NRXN3: variants seen among roughly 807,000 people sequenced by gnomAD.
The protein encoded by NRXN3 is neurexin III.
A neutral mutation model predicts 137.6 loss-of-function variants in NRXN3; 32 were observed. The observed-to-expected ratio is 0.23, with a 90% confidence interval of 0.18 to 0.31. The LOEUF (loss-of-function observed/expected upper bound fraction) is 0.31, where lower values mean the gene tolerates loss of function less well. Ranked by LOEUF, NRXN3 falls within the 10% of genes least tolerant of loss-of-function variation. The probability of loss-of-function intolerance (pLI) is 1.00; values close to 1 mark genes in which losing one functional copy is unlikely to be tolerated. For synonymous variants in NRXN3, 798 were observed against 784.5 expected (o/e 1.02, Z -0.29); for missense variants, 1,574 against 2,062.5 (o/e 0.76, Z 4.59).
chr14:78,408,766 T>C (rs1195416955), intron 4 of NRXN3, among the ~76,000 whole-genome samples: 1 of 152,238 alleles, frequency 6.6e-6, no homozygotes, highest in Non-Finnish European at 1.5e-5. Flanking sequence ...GAATTCCTGG[T>C]ACACTTCCCC....
intron 4 of NRXN3, among the ~76,000 whole-genome samples, chr14:78,464,594 T>C (rs550606783): frequency 6.6e-6 from 1 of 152,300 alleles, no homozygotes; most frequent in South Asian, 2.1e-4. Flanking sequence ...GCTTTTAAAA[T>C]TATACAAGAA....
chr14:78,266,307 T>C (rs904235070), intron 2 of NRXN3, among the ~76,000 whole-genome samples: 18 of 152,270 alleles, frequency 1.2e-4, no homozygotes, highest in African/African-American at 4.1e-4. Context: ...TTTCTTTCTT[T>C]CTTTTTTTTT....
intron 16 of NRXN3, among the ~76,000 whole-genome samples, chr14:79,630,744 CTT>C (rs2098336399): frequency 6.6e-6 from 1 of 152,110 alleles, no homozygotes; most frequent in Admixed American, 6.5e-5. Context: ...GAAAATAGTC[CTT>C]CTATAAATAA....
At chr14:79,034,245 C>A (rs2099612462) in intron 15 of NRXN3, among the ~76,000 whole-genome samples, 1 of 151,822 alleles carries the variant, frequency 6.6e-6, no homozygotes, top group East Asian at 1.9e-4. Flanking sequence ...GAGGCCACTT[C>A]AAAAATAGAA....
chr14:79,491,361 A>C (rs1230110759), intron 16 of NRXN3, among the ~76,000 whole-genome samples: 2 of 152,172 alleles, frequency 1.3e-5, no homozygotes, highest in African/African-American at 2.4e-5. Context: ...CCTACGTCAT[A>C]CTAGCCACTA....
rs4903757 is a variant in NRXN3, at chr14:78,431,408, A to T, written c.757+133548A>T. 2.0e-5 allele frequency among the ~76,000 whole-genome samples: 3 copies of T among 152,350 alleles called. No individual in the cohort carries two copies. The East Asian group carries it at 5.8e-4, about 29-fold the overall frequency. ...ATGCAATGTGATGTTCCCTAAGGGT[A>T]TGGCAATAGGAGTATAGGAATGAGT... On this transcript the variant is annotated intron_variant, in intron 4 of 20. Transcript: ENST00000335750.
intron 19 of NRXN3, among the ~76,000 whole-genome samples, chr14:79,702,975 A>C (rs1283480219): frequency 2.6e-5 from 4 of 151,776 alleles, no homozygotes; most frequent in Admixed American, 1.3e-4. Flanking sequence ...ATTTGGAATC[A>C]TTTATAAACT....
intron 15 of NRXN3, among the ~76,000 whole-genome samples, chr14:79,271,393 C>T (rs1183569183): frequency 1.5e-5 from 2 of 135,338 alleles, no homozygotes; most frequent in African/African-American, 5.4e-5. Flanking sequence ...CTTCCTCCTT[C>T]TTCCTTCCCC....
rs556801843 is a variant in NRXN3 at position 78,685,746 on chromosome 14, CCT to C, written c.1222-23470_1222-23469del. Reference sequence around the variant, plus strand: ...CTCCTGGGTTCAAGCGATTCTCCTGCCTTAGCCTCTTGAGTAGCTGGGATTAC... The same window carrying C: ...CTCCTGGGTTCAAGCGATTCTCCTGCTAGCCTCTTGAGTAGCTGGGATTAC... On this transcript the variant is annotated intron_variant, in intron 6 of 20. Coordinates refer to ENST00000335750, the MANE Select transcript of NRXN3 (RefSeq NM_001330195.2). 1.1e-4 allele frequency among the ~76,000 whole-genome samples: 17 copies of C among 151,128 alleles called. No homozygotes were observed. In the South Asian group the frequency reaches 2.9e-3, roughly 26 times the overall value.
intron 16 of NRXN3, among the ~76,000 whole-genome samples, chr14:79,488,185 G>A (rs2096675384): frequency 6.6e-6 from 1 of 152,186 alleles, no homozygotes; most frequent in Non-Finnish European, 1.5e-5. Flanking sequence ...GGTCACCCAT[G>A]GACATTGATT....
intron 15 of NRXN3, among the ~76,000 whole-genome samples, chr14:79,293,705 G>A (rs1005305598): frequency 1.2e-4 from 18 of 152,184 alleles, no homozygotes; most frequent in Non-Finnish European, 2.9e-5. Context: ...CCAAACACTC[G>A]CACTGTTTCC....
In NRXN3 at chr14:78,737,248, C is replaced by G. The variant is rs572752109; in HGVS notation, c.2044+22109C>G. Among the ~76,000 whole-genome samples, 4 of 152,328 alleles carry G rather than the reference C, an allele frequency of 2.6e-5. No homozygotes were observed. In the South Asian group the frequency reaches 8.3e-4, roughly 32 times the overall value. ...CAGCCTTCTAATTCCTCTGCTCGGG[C>G]TGTGCCCATCTGCTGGGGGTGATTT... is the stretch of plus-strand genomic sequence containing the variant. On this transcript the variant is annotated intron_variant, in intron 8 of 20. Coordinates refer to ENST00000335750, the MANE Select transcript of NRXN3 (RefSeq NM_001330195.2).
At chr14:79,800,374 C>T (rs754992519) in intron 19 of NRXN3, among the ~76,000 whole-genome samples, 4 of 152,190 alleles carry the variant, frequency 2.6e-5, no homozygotes, top group South Asian at 2.1e-4. Context: ...TGTGAATTAA[C>T]AGCTCAGCAC....
intron 19 of NRXN3, among the ~76,000 whole-genome samples, chr14:79,752,063 G>A (rs531357360): frequency 6.6e-6 from 1 of 152,228 alleles, no homozygotes; most frequent in Admixed American, 6.5e-5. Context: ...TCCAGCTTTG[G>A]TATCAGGATG....
chr14:78,857,333 G>A (rs1046365970), intron 10 of NRXN3, among the ~76,000 whole-genome samples: 2 of 152,122 alleles, frequency 1.3e-5, no homozygotes, highest in Non-Finnish European at 2.9e-5. Flanking sequence ...GCTGCATAAA[G>A]CAGTGTTGAA....
intron 15 of NRXN3, among the ~76,000 whole-genome samples, chr14:79,191,850 C>T (rs978200685): frequency 2.6e-5 from 4 of 151,998 alleles, no homozygotes; most frequent in South Asian, 2.1e-4. Flanking sequence ...ATTCCACTGG[C>T]GATGAGTAAG....
chr14:79,841,632 C>T (rs1258806777), intron 20 of NRXN3, among the ~76,000 whole-genome samples: 1 of 152,188 alleles, frequency 6.6e-6, no homozygotes, highest in Non-Finnish European at 1.5e-5. Context: ...CACCATTCCC[C>T]CATTAATAAT....
intron 15 of NRXN3, among the ~76,000 whole-genome samples, chr14:79,006,532 A>C (rs1442038033): frequency 6.6e-6 from 1 of 152,186 alleles, no homozygotes; most frequent in Non-Finnish European, 1.5e-5. Flanking sequence ...CTCCATTTTT[A>C]ACTTTATAAG....
chr14:79,340,310 A>G (rs2092535845), intron 15 of NRXN3, among the ~76,000 whole-genome samples: 1 of 152,160 alleles, frequency 6.6e-6, no homozygotes, highest in Non-Finnish European at 1.5e-5. Context: ...AGGCTTTCAA[A>G]GATAAAATTC....
Sources: gnomAD v4.1 joint callset for allele counts (sites outside exome capture counted in the v4.1 genomes callset) on GRCh38, gnomAD v4.1.1 for gene constraint, MANE v1.5 for transcripts, NCBI Gene and HGNC (gene_info 2026-07-23, HGNC 2026-07-21) for gene names.